The following MYO1D variants were observed in gnomAD, a reference collection of about 807,000 sequenced individuals.
The protein encoded by MYO1D is myosin ID, also known as unconventional myosin-Id.
In MYO1D, 83 loss-of-function variants were observed where a neutral mutation model predicts 122.0. The observed-to-expected ratio is 0.68, with a 90% CI of 0.57 to 0.82. MYO1D has a LOEUF of 0.82. MYO1D is among the 40% of genes least tolerant of loss of function. MYO1D has a pLI of 0.00. For synonymous variants in MYO1D, 464 were observed against 446.9 expected, an observed-to-expected ratio of 1.04 and a Z score of -0.48; for missense variants, 1,157 against 1,269.5, an observed-to-expected ratio of 0.91 and a Z score of 1.35.
intron 21 of MYO1D, among the ~76,000 whole-genome samples, chr17:32,569,126 T>A (rs1478351805): frequency 6.6e-6 from 1 of 152,246 alleles, no homozygotes; most frequent in Non-Finnish European, 1.5e-5. Flanking sequence ...TATAAATAGA[T>A]GTTTATGACT....
At chr17:32,823,245 A>G (rs1420332649) in intron 1 of MYO1D, among the ~76,000 whole-genome samples, 1 of 152,178 alleles carries the variant, frequency 6.6e-6, no homozygotes, top group Non-Finnish European at 1.5e-5. Context: ...CCACAAGACA[A>G]GCATGAGCAC....
At chr17:32,814,972 G>A (rs181161923) in intron 1 of MYO1D, among the ~76,000 whole-genome samples, 66 of 152,310 alleles carry the variant, frequency 4.3e-4, no homozygotes, top group Middle Eastern at 6.8e-3. Flanking sequence ...AATCACTTGC[G>A]GGAGGCTTTT....
chr17:32,524,495 C>T (rs1484186764), intron 21 of MYO1D, among the ~76,000 whole-genome samples: 1 of 151,816 alleles, frequency 6.6e-6, no homozygotes, highest in Non-Finnish European at 1.5e-5. Flanking sequence ...TGGGTTCAAG[C>T]AATCCTCCTG....
intron 16 of MYO1D, among the ~76,000 whole-genome samples, chr17:32,698,592 C>G (rs1265060682): frequency 6.6e-6 from 1 of 151,858 alleles, no homozygotes; most frequent in Non-Finnish European, 1.5e-5. Context: ...ATGACAAAAC[C>G]AATAAAATCC....
At chr17:32,680,624 G>C (rs1335006778) in intron 16 of MYO1D, among the ~76,000 whole-genome samples, 1 of 145,716 alleles carries the variant, frequency 6.9e-6, no homozygotes, top group Non-Finnish European at 1.5e-5. Context: ...CTTGATCATG[G>C]TGGATAAACT....
intron 1 of MYO1D, among the ~76,000 whole-genome samples, chr17:32,849,763 T>C (rs996702786): frequency 2.6e-5 from 4 of 152,084 alleles, no homozygotes; most frequent in Admixed American, 1.3e-4. Flanking sequence ...TGTATACATA[T>C]GTAACTAACC....
intron 1 of MYO1D, among the ~76,000 whole-genome samples, chr17:32,837,892 T>G (rs2090842854): frequency 6.6e-6 from 1 of 152,230 alleles, no homozygotes; most frequent in Admixed American, 6.5e-5. Flanking sequence ...ATAAACGGTC[T>G]TCATTTTGTG....
intron 21 of MYO1D, among the ~76,000 whole-genome samples, chr17:32,569,992 C>T (rs933477182): frequency 1.3e-5 from 2 of 152,136 alleles, no homozygotes; most frequent in Admixed American, 6.5e-5. Flanking sequence ...GTTTCCTGAG[C>T]AGGATGTTTA....
chr17:32,875,483 G>C (rs1432368615), intron 1 of MYO1D, among the ~76,000 whole-genome samples: 1 of 152,166 alleles, frequency 6.6e-6, no homozygotes, highest in African/African-American at 2.4e-5. Context: ...TAAGTAACTT[G>C]CTCAAAGATC....
chr17:32,695,520 C>T (rs2089160997), intron 16 of MYO1D, among the ~76,000 whole-genome samples: 1 of 152,200 alleles, frequency 6.6e-6, no homozygotes, highest in South Asian at 2.1e-4. Context: ...TTAACAGTCA[C>T]AAACTGACCA....
chr17:32,804,953 T>C (rs1456716804), intron 1 of MYO1D, among the ~76,000 whole-genome samples: 1 of 152,160 alleles, frequency 6.6e-6, no homozygotes, highest in Non-Finnish European at 1.5e-5. Flanking sequence ...AGTCTGACCA[T>C]GTTACAAAGT....
chr17:32,712,051 T>C lies in MYO1D; in HGVS notation c.2058A>G (p.Thr686=), dbSNP rs752166655. The change falls in exon 16 of 22, where the codon ACA becomes ACG. Residue 686 remains threonine, a synonymous_variant. Coordinates refer to ENST00000318217, the MANE Select transcript of MYO1D (RefSeq NM_015194.3). ...KTKIFIRTPR[T]LFTLEELRAQ... Reference sequence around the variant, plus strand: ...CACGGAGTTCTTCCAAGGTAAACAATGTTCGGGGTGTTCGAATGAAAATTT... The same window carrying C: ...CACGGAGTTCTTCCAAGGTAAACAACGTTCGGGGTGTTCGAATGAAAATTT... 19 of 1,613,982 alleles carry C rather than the reference T, an allele frequency of 1.2e-5. No homozygotes were observed. The highest frequency in any genetic ancestry group is 2.7e-5 in the African/African-American group (2 of 74,900).
At chr17:32,635,349 A>G (rs1410227123) in intron 20 of MYO1D, among the ~76,000 whole-genome samples, 1 of 152,198 alleles carries the variant, frequency 6.6e-6, no homozygotes, top group Non-Finnish European at 1.5e-5. Flanking sequence ...CCTGAATGGT[A>G]GCATTTCCTG....
intron 21 of MYO1D, among the ~76,000 whole-genome samples, chr17:32,539,136 T>C (rs1269419561): frequency 6.6e-6 from 1 of 152,110 alleles, no homozygotes; most frequent in African/African-American, 2.4e-5. Flanking sequence ...AAATAGATGA[T>C]GTTCAAATAT....
intron 1 of MYO1D, among the ~76,000 whole-genome samples, chr17:32,844,072 TA>T: frequency 6.6e-6 from 1 of 150,794 alleles, no homozygotes; most frequent in East Asian, 1.9e-4. Flanking sequence ...ATGATAACCT[TA>T]TTAACAAAAA....
At chr17:32,650,654 T>C (rs1209351118) in intron 19 of MYO1D, among the ~76,000 whole-genome samples, 1 of 152,152 alleles carries the variant, frequency 6.6e-6, no homozygotes, top group Non-Finnish European at 1.5e-5. Flanking sequence ...TAGTTTTCCT[T>C]CTGCAAAGAC....
At chr17:32,546,658 C>G (rs1308667495) in intron 21 of MYO1D, among the ~76,000 whole-genome samples, 1 of 152,186 alleles carries the variant, frequency 6.6e-6, no homozygotes, top group African/African-American at 2.4e-5. Context: ...CCTACTGTTT[C>G]CCCAAACCCC....
At chr17:32,765,590 C>G (rs1003873727) in intron 7 of MYO1D, among the ~76,000 whole-genome samples, 12 of 152,216 alleles carry the variant, frequency 7.9e-5, no homozygotes, top group Middle Eastern at 3.4e-3. Flanking sequence ...TCCTGAAGAG[C>G]TGGGACTACA....
intron 1 of MYO1D, among the ~76,000 whole-genome samples, chr17:32,818,774 G>A (rs925559416): frequency 6.6e-6 from 1 of 152,190 alleles, no homozygotes; most frequent in Admixed American, 6.5e-5. Flanking sequence ...GTTACTGTGA[G>A]GACTAAATTA....
Sources: allele counts gnomAD v4.1 joint callset (sites outside exome capture counted in the v4.1 genomes callset), GRCh38; gene constraint gnomAD v4.1.1; transcripts MANE v1.5; gene names NCBI Gene and HGNC (gene_info 2026-07-23, HGNC 2026-07-21).